The following CORO2B variants were observed in gnomAD, a reference collection of about 807,000 sequenced individuals.
CORO2B encodes the protein coronin-2B.
CORO2B carries 26 observed loss-of-function variants against 58.8 expected under a neutral mutation model. The ratio of observed to expected loss-of-function variants is 0.44; its 90% CI spans 0.32 to 0.61. The LOEUF (loss-of-function observed/expected upper bound fraction) is 0.61. Among genes scored for constraint, CORO2B ranks in the 20% least tolerant of loss-of-function variants. CORO2B has a pLI of 0.04. For missense variants in CORO2B, 460 were observed against 645.1 expected (o/e 0.71, Z 3.11); for synonymous variants, 242 against 253.8 (o/e 0.95, Z 0.44).
At chr15:68,646,355 A>T (rs1320783907) in intron 2 of CORO2B, among the ~76,000 whole-genome samples, 2 of 151,550 alleles carry the variant, frequency 1.3e-5, no homozygotes, top group South Asian at 4.2e-4. Context: ...ACTCATCCCC[A>T]CTCCCACCCT....
intron 2 of CORO2B, among the ~76,000 whole-genome samples, chr15:68,693,257 C>T (rs1185875721): frequency 2.0e-5 from 3 of 152,128 alleles, no homozygotes; most frequent in Non-Finnish European, 4.4e-5. Flanking sequence ...GGAAATGAGC[C>T]GACAGAGATG....
chr15:68,579,685 C>T (rs1899377248), intron 1 of CORO2B, among the ~76,000 whole-genome samples: 1 of 152,180 alleles, frequency 6.6e-6, no homozygotes, highest in Non-Finnish European at 1.5e-5. Flanking sequence ...GCCTGCCGCC[C>T]CGAGGAGGCC....
At chr15:68,696,586 A>G (rs1892519002) in intron 3 of CORO2B, among the ~76,000 whole-genome samples, 1 of 148,852 alleles carries the variant, frequency 6.7e-6, no homozygotes, top group Admixed American at 6.7e-5. Flanking sequence ...AATCCAGGGA[A>G]AGTGAAATTT....
chr15:68,561,591 A>G, the CORO2B span, among the ~76,000 whole-genome samples: 1 of 152,190 alleles, frequency 6.6e-6, no homozygotes, highest in African/African-American at 2.4e-5. Context: ...AGGGTGGAAG[A>G]TGGACAGAGA....
chr15:68,603,385 A>G (rs993683787), intron 1 of CORO2B, among the ~76,000 whole-genome samples: 7 of 152,192 alleles, frequency 4.6e-5, no homozygotes, highest in Admixed American at 3.3e-4. Context: ...CTTGCTAATC[A>G]TACTAGTGTG....
At chr15:68,701,343 G>T (rs113942152) in intron 3 of CORO2B, among the ~76,000 whole-genome samples, 4,796 of 150,624 alleles carry the variant, frequency 0.032, 233 homozygotes, top group African/African-American at 0.11. Flanking sequence ...ACGGAGGCTC[G>T]CTCTGTCGCC....
intron 2 of CORO2B, among the ~76,000 whole-genome samples, chr15:68,666,993 T>C (rs1596000061): frequency 6.6e-6 from 1 of 152,160 alleles, no homozygotes; most frequent in South Asian, 2.1e-4. Context: ...GATCTGTGGC[T>C]CAGCTGCAGC....
chr15:68,640,330 TA>T (rs1347175777), intron 1 of CORO2B, among the ~76,000 whole-genome samples: 3 of 152,178 alleles, frequency 2.0e-5, no homozygotes, highest in Non-Finnish European at 4.4e-5. Flanking sequence ...CAAAGCCAAG[TA>T]ACTGATAATG....
At chr15:68,638,089 A>G (rs1901090482) in intron 1 of CORO2B, among the ~76,000 whole-genome samples, 3 of 152,192 alleles carry the variant, frequency 2.0e-5, no homozygotes, top group African/African-American at 7.2e-5. Context: ...GGCCCTCCCC[A>G]TCTGGGAGGG....
chr15:68,579,040 T>C lies in CORO2B; in HGVS notation c.-223T>C, dbSNP rs1899343688. 3.1e-6 allele frequency: 3 copies of C among 982,806 alleles called. No homozygotes were observed. Among genetic ancestry groups the C allele is most frequent in the Non-Finnish European group, 3.6e-6 (3 of 829,428 alleles). 60.9% of individuals were successfully genotyped at this position (982,806 alleles called of 1,614,324 possible). ...GCGAAGGAGGCTCATCTATTATAAA[T>C]GCACATTCGGGGCTGACATCAGCGA... On this transcript the variant is annotated 5_prime_UTR_variant, in exon 1 of 12. It removes an upstream start codon present in the reference 5' UTR. Coordinates refer to ENST00000261861, the MANE Select transcript of CORO2B (RefSeq NM_006091.5).
chr15:68,724,435 T>C (rs1047672846), intron 11 of CORO2B, among the ~76,000 whole-genome samples: 1 of 152,202 alleles, frequency 6.6e-6, no homozygotes, highest in African/African-American at 2.4e-5. Context: ...TTTTCTCTCA[T>C]CTTTTTTTGA....
intron 2 of CORO2B, among the ~76,000 whole-genome samples, chr15:68,680,563 A>G (rs1167778919): frequency 6.6e-6 from 1 of 152,190 alleles, no homozygotes; most frequent in African/African-American, 2.4e-5. Context: ...TCCACCGTCT[A>G]TGGCATCATT....
At chr15:68,662,428 TA>T (rs1487720829) in intron 2 of CORO2B, among the ~76,000 whole-genome samples, 1 of 152,276 alleles carries the variant, frequency 6.6e-6, no homozygotes, top group African/African-American at 2.4e-5. Flanking sequence ...AATTTCCTTT[TA>T]TTTTTTTACA....
intron 1 of CORO2B, among the ~76,000 whole-genome samples, chr15:68,618,417 A>T (rs1488804948): frequency 1.3e-5 from 2 of 152,264 alleles, no homozygotes; most frequent in Non-Finnish European, 2.9e-5. Flanking sequence ...GAAGGCTCCC[A>T]GTTCAAGTGG....
intron 2 of CORO2B, among the ~76,000 whole-genome samples, chr15:68,680,482 C>T (rs765661095): frequency 1.7e-4 from 26 of 152,204 alleles, no homozygotes; most frequent in Non-Finnish European, 3.8e-4. Context: ...AGGCTCTGCA[C>T]CATGCAAATG....
chr15:68,597,361 C>G (rs1899858464), intron 1 of CORO2B, among the ~76,000 whole-genome samples: 1 of 152,132 alleles, frequency 6.6e-6, no homozygotes. Flanking sequence ...AGGGGCAGTC[C>G]TAATTGTTTT....
Position 68,644,782 on chromosome 15 carries a change from C to T in CORO2B, c.16-378C>T, listed in dbSNP as rs543110158. ...GCTGTCCGCATCTCCCATGCTGAAC[C>T]GAGCACAGTTCCAGATACTCAGGAG... On this transcript the variant is annotated intron_variant, in intron 1 of 11. Transcript: ENST00000261861. Among the ~76,000 whole-genome samples the T allele has an allele frequency of 9.2e-5, 14 of 152,188 alleles. No homozygotes were observed. The South Asian group carries it at 1.2e-3, about 14-fold the overall frequency.
At chr15:68,576,725 T>C (rs1173275157), upstream of CORO2B, among the ~76,000 whole-genome samples, 1 of 152,158 alleles carries the variant, frequency 6.6e-6, no homozygotes, top group Non-Finnish European at 1.5e-5. Context: ...AATCTGACTC[T>C]TCCAATGCTG....
In CORO2B at chr15:68,720,180, C is replaced by T. The variant is rs574896027; in HGVS notation, c.1311+628C>T. Reference sequence around the variant, plus strand: ...GATACAACTGAAATGGAGATGGCTGCATGACCCCACCTGCATTTGAATCCT... The same window carrying T: ...GATACAACTGAAATGGAGATGGCTGTATGACCCCACCTGCATTTGAATCCT... On this transcript the variant is annotated intron_variant, in intron 11 of 11. Coordinates refer to ENST00000261861, the MANE Select transcript of CORO2B (RefSeq NM_006091.5). Among the ~76,000 whole-genome samples, 4 of 152,340 alleles carry T rather than the reference C, an allele frequency of 2.6e-5. No homozygotes were observed. The South Asian group carries it at 8.3e-4, about 32-fold the overall frequency.
Sources: allele counts gnomAD v4.1 joint callset (sites outside exome capture counted in the v4.1 genomes callset), GRCh38; gene constraint gnomAD v4.1.1; transcripts MANE v1.5; gene names NCBI Gene and HGNC (gene_info 2026-07-23, HGNC 2026-07-21).